Variants in NALF1 observed in about 807,000 individuals in gnomAD.
NALF1 encodes the protein family with sequence similarity 155 member A.
NALF1 carries 3 observed loss-of-function variants against 48.4 expected under a neutral mutation model. That is an observed-to-expected ratio of 0.06 (90% CI 0.03 to 0.16). NALF1 has a LOEUF of 0.16. Among genes scored for constraint, NALF1 ranks in the 10% least tolerant of loss-of-function variants. NALF1 has a pLI of 1.00. For synonymous variants in NALF1, 262 were observed against 245.7 expected, an observed-to-expected ratio of 1.07 and a Z score of -0.62; for missense variants, 526 against 571.5, an observed-to-expected ratio of 0.92 and a Z score of 0.81.
intron 2 of NALF1, among the ~76,000 whole-genome samples, chr13:107,193,179 C>T (rs1879318184): frequency 6.6e-6 from 1 of 151,640 alleles, no homozygotes; most frequent in Non-Finnish European, 1.5e-5. Flanking sequence ...TCTGCACTTA[C>T]TAAATATTTT....
rs537917288 is a variant in NALF1, at chr13:107,344,342, C to G, written c.916-133587G>C. 3.3e-5 allele frequency among the ~76,000 whole-genome samples: 5 copies of G among 152,014 alleles called. No individual in the cohort carries two copies. In the East Asian group the frequency reaches 9.6e-4, roughly 29 times the overall value. On this transcript the variant is annotated intron_variant, in intron 1 of 2. Transcript: ENST00000375915. ...CACTTCCAAATCCATTTTATGAGTC[C>G]ATCATTACTCTGATACAAAAGCCAG...
chr13:107,777,090 TCAAA>T (rs1877755234), intron 1 of NALF1, among the ~76,000 whole-genome samples: 2 of 152,124 alleles, frequency 1.3e-5, no homozygotes. Flanking sequence ...AGAACCTGTC[TCAAA>T]CAAACGAACG....
chr13:107,640,301 G>T (rs1880115966), intron 1 of NALF1, among the ~76,000 whole-genome samples: 1 of 152,150 alleles, frequency 6.6e-6, no homozygotes, highest in Non-Finnish European at 1.5e-5. Context: ...ACAGTGTACA[G>T]CTAAACTGAT....
At chr13:107,590,083 A>G (rs1442367919) in intron 1 of NALF1, among the ~76,000 whole-genome samples, 1 of 152,090 alleles carries the variant, frequency 6.6e-6, no homozygotes, top group Non-Finnish European at 1.5e-5. Flanking sequence ...AGTCATGAGT[A>G]CTATTTTTGA....
chr13:107,302,592 A>G (rs1433461576), intron 1 of NALF1, among the ~76,000 whole-genome samples: 3 of 152,224 alleles, frequency 2.0e-5, no homozygotes, highest in Non-Finnish European at 4.4e-5. Flanking sequence ...ATATCAGTTT[A>G]GCATCTAGCA....
At chr13:107,818,805 G>A (rs1452953547) in intron 1 of NALF1, among the ~76,000 whole-genome samples, 1 of 135,522 alleles carries the variant, frequency 7.4e-6, no homozygotes, top group East Asian at 2.6e-4. Flanking sequence ...CCGGGAGGCG[G>A]AGCTTGCAGT....
At chr13:107,723,253 T>C (rs1876041252) in intron 1 of NALF1, among the ~76,000 whole-genome samples, 1 of 152,154 alleles carries the variant, frequency 6.6e-6, no homozygotes, top group Non-Finnish European at 1.5e-5. Flanking sequence ...TGCCCTGAGA[T>C]TCCAATTTCT....
At chr13:107,280,040 C>G (rs1881357107) in intron 1 of NALF1, among the ~76,000 whole-genome samples, 1 of 152,134 alleles carries the variant, frequency 6.6e-6, no homozygotes, top group Non-Finnish European at 1.5e-5. Flanking sequence ...GATCCTCCTG[C>G]CTTGGCCTCC....
At chr13:107,207,651 A>G (rs985875810) in intron 2 of NALF1, among the ~76,000 whole-genome samples, 3 of 151,820 alleles carry the variant, frequency 2.0e-5, no homozygotes, top group Admixed American at 6.6e-5. Flanking sequence ...GCACTCTTTC[A>G]TTTTCTTTTT....
rs924513481 is a variant in NALF1 at position 107,866,931 on chromosome 13, C to A, written c.-335G>T. Among the ~76,000 whole-genome samples the A allele has an allele frequency of 2.0e-5, 3 of 151,818 alleles. No homozygotes were observed. Among genetic ancestry groups the A allele is most frequent in the Non-Finnish European group, 4.4e-5 (3 of 67,958 alleles). On this transcript the variant is annotated 5_prime_UTR_variant, in exon 1 of 3. Transcript: ENST00000375915. The surrounding 1 kb of genome is among the most constrained non-coding windows in gnomAD (Gnocchi z 4.4). The stretch of plus-strand genomic sequence containing the variant: ...GAGAGAGAGAGAGAGACGGAGGAGG[C>A]TGGTGCTGGTGGCCGGCGGCGAGGC...
chr13:107,484,117 G>A (rs1235418150), intron 1 of NALF1, among the ~76,000 whole-genome samples: 1 of 151,794 alleles, frequency 6.6e-6, no homozygotes, highest in Non-Finnish European at 1.5e-5. Context: ...CAGTACAGAA[G>A]GCCAAAAAAG....
At chr13:107,200,449 AG>A (rs1193610241) in intron 2 of NALF1, among the ~76,000 whole-genome samples, 4 of 152,176 alleles carry the variant, frequency 2.6e-5, no homozygotes, top group African/African-American at 9.7e-5. Flanking sequence ...ACTTCGAGCG[AG>A]GGGCATGATC....
intron 1 of NALF1, among the ~76,000 whole-genome samples, chr13:107,244,684 A>G (rs1880543785): frequency 6.6e-6 from 1 of 152,188 alleles, no homozygotes; most frequent in Non-Finnish European, 1.5e-5. Context: ...TGAAAACAGT[A>G]TCTCTCTACC....
At chr13:107,739,329 A>AAT (rs1355550250) in intron 1 of NALF1, among the ~76,000 whole-genome samples, 1 of 149,758 alleles carries the variant, frequency 6.7e-6, no homozygotes, top group Non-Finnish European at 1.5e-5. Flanking sequence ...GCAAAATAAA[A>AAT]ATATATATAT....
chr13:107,591,220 A>T (rs1308905299), intron 1 of NALF1, among the ~76,000 whole-genome samples: 2 of 151,990 alleles, frequency 1.3e-5, no homozygotes, highest in East Asian at 3.9e-4. Context: ...TGAGTATAAG[A>T]TCGAGTATGG....
chr13:107,223,903 C>G (rs760695857), intron 1 of NALF1, among the ~76,000 whole-genome samples: 2 of 152,188 alleles, frequency 1.3e-5, no homozygotes, highest in Non-Finnish European at 2.9e-5. Context: ...TTGGCAGAAA[C>G]AGAGGGCCTA....
intron 2 of NALF1, among the ~76,000 whole-genome samples, chr13:107,182,037 C>G (rs1879073554): frequency 6.6e-6 from 1 of 151,726 alleles, no homozygotes; most frequent in Admixed American, 6.6e-5. Flanking sequence ...GTATCACATT[C>G]TTTATCTAAG....
chr13:107,433,027 C>T (rs1884407904), intron 1 of NALF1, among the ~76,000 whole-genome samples: 1 of 152,096 alleles, frequency 6.6e-6, no homozygotes, highest in African/African-American at 2.4e-5. Flanking sequence ...ACCCCTTGAC[C>T]TTTTCTTTCT....
At chr13:107,434,417 C>G (rs912684558) in intron 1 of NALF1, among the ~76,000 whole-genome samples, 1 of 152,058 alleles carries the variant, frequency 6.6e-6, no homozygotes, top group Admixed American at 6.6e-5. Flanking sequence ...TTACACTAAC[C>G]AGAAATTTAT....
Sources: allele counts gnomAD v4.1 joint callset (sites outside exome capture counted in the v4.1 genomes callset), GRCh38; gene constraint gnomAD v4.1.1; non-coding constraint Gnocchi (gnomAD v3.1); transcripts MANE v1.5; gene names NCBI Gene and HGNC (gene_info 2026-07-23, HGNC 2026-07-21).